ERC2: variants seen among roughly 807,000 people sequenced by gnomAD.
ERC2 encodes ERC protein 2.
A neutral mutation model predicts 114.8 loss-of-function variants in ERC2; 42 were observed. The observed-to-expected ratio is 0.37, with a 90% confidence interval of 0.29 to 0.47. The LOEUF (loss-of-function observed/expected upper bound fraction) is 0.47. Ranked by LOEUF, ERC2 falls within the 20% of genes least tolerant of loss-of-function variation. The pLI is 0.99. For synonymous variants in ERC2, 454 were observed against 425.5 expected, an observed-to-expected ratio of 1.07 and a Z score of -0.82; for missense variants, 939 against 1,150.7, an observed-to-expected ratio of 0.82 and a Z score of 2.66.
At chr3:55,600,888 G>A (rs1047333796) in intron 17 of ERC2, among the ~76,000 whole-genome samples, 1 of 152,270 alleles carries the variant, frequency 6.6e-6, no homozygotes, top group African/African-American at 2.4e-5. Context: ...GTGATGAGCT[G>A]CTGATGTCGC....
intron 13 of ERC2, among the ~76,000 whole-genome samples, chr3:55,937,330 CAG>C (rs1449991944): frequency 6.6e-6 from 1 of 152,210 alleles, no homozygotes; most frequent in African/African-American, 2.4e-5. Context: ...GCCTGGGTGA[CAG>C]AGTGAGACTC....
chr3:56,283,748 T>C (rs1158453342), intron 3 of ERC2, among the ~76,000 whole-genome samples: 2 of 152,254 alleles, frequency 1.3e-5, no homozygotes, highest in African/African-American at 4.8e-5. Flanking sequence ...AAGAAGTTGT[T>C]GCTTTTTTTA....
chr3:55,650,852 C>T (rs6777482), intron 17 of ERC2, among the ~76,000 whole-genome samples: 215 of 118,918 alleles, frequency 1.8e-3, no homozygotes, highest in Non-Finnish European at 2.4e-3. Flanking sequence ...TTTTTTTTTT[C>T]TTTTTTTTTT....
At position 56,434,911 on chromosome 3, in the gene ERC2, T is replaced by C; in HGVS notation, c.97A>G (p.Ser33Gly). The C allele has an allele frequency of 6.2e-7, 1 of 1,613,730 alleles. No homozygotes were observed. The highest frequency in any genetic ancestry group is 1.1e-5 in the South Asian group (1 of 91,046). ...CCTGTTCCTCCACCTCCCCCACTAC[T>C]TGTTCTTCGGTGGCCCAAACGAGGA... ...RSPRLGHRRT[S>G]SGGGGGTGKT... Residue 33 changes from serine to glycine, a missense_variant, in exon 2 of 18, where the codon AGT becomes GGT. Ser to Gly is a moderately conservative substitution (Grantham distance 56). Coordinates refer to ENST00000288221, the MANE Select transcript of ERC2 (RefSeq NM_015576.3).
intron 14 of ERC2, among the ~76,000 whole-genome samples, chr3:55,842,003 C>A (rs970115419): frequency 6.6e-6 from 1 of 152,188 alleles, no homozygotes; most frequent in Non-Finnish European, 1.5e-5. Context: ...AAAAAGGGGA[C>A]TCACACTCAG....
At chr3:56,008,186 T>C (rs1055249691) in intron 9 of ERC2, among the ~76,000 whole-genome samples, 1 of 152,322 alleles carries the variant, frequency 6.6e-6, no homozygotes, top group South Asian at 2.1e-4. Context: ...CCTAGGAAGA[T>C]ACTAAAGACA....
intron 14 of ERC2, among the ~76,000 whole-genome samples, chr3:55,753,837 A>G (rs1221597116): frequency 1.3e-5 from 2 of 152,240 alleles, no homozygotes; most frequent in Non-Finnish European, 2.9e-5. Context: ...CAAACTTGCA[A>G]TTAATATTTG....
intron 3 of ERC2, among the ~76,000 whole-genome samples, chr3:56,192,793 T>G (rs1350595544): frequency 6.6e-6 from 1 of 152,170 alleles, no homozygotes; most frequent in African/African-American, 2.4e-5. Context: ...CCCATTGGCC[T>G]CAGTCATGGC....
intron 17 of ERC2, among the ~76,000 whole-genome samples, chr3:55,656,051 C>T (rs2060846569): frequency 6.6e-6 from 1 of 152,188 alleles, no homozygotes; most frequent in African/African-American, 2.4e-5. Context: ...GTCTGCAAAG[C>T]TGCTTGGCCC....
At chr3:55,999,780 T>C (rs1312760646) in intron 10 of ERC2, among the ~76,000 whole-genome samples, 1 of 151,564 alleles carries the variant, frequency 6.6e-6, no homozygotes, top group Admixed American at 6.6e-5. Context: ...GAAATAATAT[T>C]GGGAACATAT....
At chr3:56,020,311 G>A (rs936099051) in intron 7 of ERC2, among the ~76,000 whole-genome samples, 8 of 151,692 alleles carry the variant, frequency 5.3e-5, no homozygotes, top group South Asian at 2.1e-4. Flanking sequence ...TCCATCCTTC[G>A]TTCCACCTTT....
At chr3:56,036,408 G>T (rs1039317523) in intron 7 of ERC2, among the ~76,000 whole-genome samples, 13 of 152,206 alleles carry the variant, frequency 8.5e-5, no homozygotes, top group African/African-American at 3.1e-4. Context: ...AAAATCATCC[G>T]AATCTGGAAG....
chr3:55,982,010 T>G (rs1192428849), intron 12 of ERC2, among the ~76,000 whole-genome samples: 1 of 152,182 alleles, frequency 6.6e-6, no homozygotes, highest in Non-Finnish European at 1.5e-5. Context: ...AGGCAACTCC[T>G]GCCCTGGCTT....
At chr3:56,043,801 C>G (rs992605463) in intron 7 of ERC2, among the ~76,000 whole-genome samples, 1 of 152,100 alleles carries the variant, frequency 6.6e-6, no homozygotes, top group South Asian at 2.1e-4. Flanking sequence ...AATTCAATTG[C>G]AACTAACTTT....
At chr3:56,321,935 T>A (rs2057145302) in intron 2 of ERC2, among the ~76,000 whole-genome samples, 1 of 152,228 alleles carries the variant, frequency 6.6e-6, no homozygotes, top group Non-Finnish European at 1.5e-5. Flanking sequence ...TTGCATTTTT[T>A]AAATGCTGCT....
intron 14 of ERC2, among the ~76,000 whole-genome samples, chr3:55,867,141 C>T (rs974079021): frequency 7.9e-5 from 12 of 151,678 alleles, no homozygotes; most frequent in Admixed American, 1.3e-4. Flanking sequence ...CACTCTCTTC[C>T]TTCCTTCCTA....
intron 3 of ERC2, among the ~76,000 whole-genome samples, chr3:56,264,002 G>C (rs994345564): frequency 1.3e-5 from 2 of 152,076 alleles, no homozygotes; most frequent in Non-Finnish European, 1.5e-5. Flanking sequence ...TTTAACACAT[G>C]CAAGTAAATT....
intron 14 of ERC2, among the ~76,000 whole-genome samples, chr3:55,780,801 A>G (rs1160941563): frequency 6.6e-6 from 1 of 152,184 alleles, no homozygotes; most frequent in East Asian, 1.9e-4. Flanking sequence ...AATTCAGCCA[A>G]ATCTGCCATG....
intron 2 of ERC2, among the ~76,000 whole-genome samples, chr3:56,357,784 G>A (rs999596168): frequency 6.7e-6 from 1 of 148,488 alleles, no homozygotes; most frequent in Non-Finnish European, 1.5e-5. Flanking sequence ...GAATGATCTA[G>A]TATGTCATAT....
Sources: allele counts gnomAD v4.1 joint callset (sites outside exome capture counted in the v4.1 genomes callset), GRCh38; gene constraint gnomAD v4.1.1; transcripts MANE v1.5; gene names NCBI Gene and HGNC (gene_info 2026-07-23, HGNC 2026-07-21).